GALNTL6: variants seen among roughly 807,000 people sequenced by gnomAD.
The protein encoded by GALNTL6 is polypeptide N-acetylgalactosaminyltransferase-like 6.
A neutral mutation model predicts 73.7 loss-of-function variants in GALNTL6; 46 were observed. The ratio of observed to expected loss-of-function variants is 0.62; its 90% confidence interval spans 0.49 to 0.80. The LOEUF (loss-of-function observed/expected upper bound fraction) is 0.80. GALNTL6 is among the 30% of genes least tolerant of loss of function. The pLI, the probability that GALNTL6 is intolerant of heterozygous loss-of-function variation, is 0.00. For synonymous variants in GALNTL6, 259 were observed against 263.7 expected, an observed-to-expected ratio of 0.98 and a Z score of 0.17; for missense variants, 604 against 755.0, an observed-to-expected ratio of 0.80 and a Z score of 2.34.
At chr4:171,967,449 T>TTTTTTTTG (rs747345394) in intron 2 of GALNTL6, among the ~76,000 whole-genome samples, 1 of 120,356 alleles carries the variant, frequency 8.3e-6, no homozygotes, top group Non-Finnish European at 1.6e-5. Context: ...CCCTATGGGT[T>TTTTTTTTG]TTTTTTTTTT....
At chr4:172,715,725 A>G (rs1735036287) in intron 5 of GALNTL6, among the ~76,000 whole-genome samples, 1 of 152,212 alleles carries the variant, frequency 6.6e-6, no homozygotes, top group Non-Finnish European at 1.5e-5. Flanking sequence ...TACTTTTTAC[A>G]ATGAAAAAGA....
chr4:172,667,596 A>T (rs1040919848), intron 5 of GALNTL6: 1 of 152,178 alleles, frequency 6.6e-6, no homozygotes, highest in African/African-American at 2.4e-5. Context: ...GGTTGTTCTC[A>T]GGTTTTAGAG....
At chr4:172,052,284 A>G (rs974180188) in intron 2 of GALNTL6, among the ~76,000 whole-genome samples, 2 of 152,082 alleles carry the variant, frequency 1.3e-5, no homozygotes, top group Non-Finnish European at 2.9e-5. Context: ...GAGAGGATAC[A>G]GGACATGTAC....
chr4:172,339,758 GA>G (rs1264697131), intron 4 of GALNTL6, among the ~76,000 whole-genome samples: 1 of 152,182 alleles, frequency 6.6e-6, no homozygotes, highest in African/African-American at 2.4e-5. Context: ...AGTCACAAAG[GA>G]AAACTCTCTG....
At chr4:171,994,824 A>C (rs1052837440) in intron 2 of GALNTL6, among the ~76,000 whole-genome samples, 1 of 152,082 alleles carries the variant, frequency 6.6e-6, no homozygotes, top group Non-Finnish European at 1.5e-5. Flanking sequence ...TGGAAGCAAA[A>C]AAACTAGAAT....
intron 3 of GALNTL6, among the ~76,000 whole-genome samples, chr4:172,233,410 A>T (rs529015602): frequency 2.0e-5 from 3 of 152,090 alleles, no homozygotes; most frequent in East Asian, 3.9e-4. Context: ...TACATTTTAC[A>T]TTTGGGTCTT....
At chr4:172,035,466 TTATAA>T (rs138783277) in intron 2 of GALNTL6, among the ~76,000 whole-genome samples, 55,261 of 151,566 alleles carry the variant, frequency 0.36, 10,178 homozygotes, top group Middle Eastern at 0.48. Flanking sequence ...CTATTGATTG[TTATAA>T]TATAACTAAG....
chr4:172,229,632 C>A, intron 2 of GALNTL6, 24 bp from the exon 3 acceptor site: 1 of 1,485,842 alleles, frequency 6.7e-7, no homozygotes, highest in Non-Finnish European at 9.4e-7. Flanking sequence ...CCTTTTTATG[C>A]TTGAATACTT....
At chr4:172,461,444 T>G (rs1408948250) in intron 5 of GALNTL6, among the ~76,000 whole-genome samples, 1 of 152,146 alleles carries the variant, frequency 6.6e-6, no homozygotes, top group Non-Finnish European at 1.5e-5. Flanking sequence ...CTCAGGCAGG[T>G]GAAATGTCTG....
chr4:172,382,860 G>A (rs917323827), intron 5 of GALNTL6, among the ~76,000 whole-genome samples: 1 of 151,706 alleles, frequency 6.6e-6, no homozygotes, highest in Non-Finnish European at 1.5e-5. Flanking sequence ...GGGTTGAAAA[G>A]GCAATTGTGA....
In GALNTL6 at chr4:171,904,699, C is replaced by T. The variant is rs879318938; in HGVS notation, c.138+89981C>T. Among the ~76,000 whole-genome samples, 203 of 152,220 alleles carry T rather than the reference C, an allele frequency of 1.3e-3. 1 individual carries two copies. Among genetic ancestry groups the T allele is most frequent in the Admixed American group, 2.7e-3 (42 of 15,302 alleles). ...CTCCAAGACACATAATTATCAGATT[C>T]ACCAAAGTTGAAATGAAGGAAAAAA... On this transcript the variant is annotated intron_variant, in intron 2 of 12. Coordinates refer to ENST00000506823, the MANE Select transcript of GALNTL6 (RefSeq NM_001034845.3).
At chr4:172,190,960 T>C (rs1019411605) in intron 2 of GALNTL6, among the ~76,000 whole-genome samples, 6 of 152,212 alleles carry the variant, frequency 3.9e-5, no homozygotes, top group Non-Finnish European at 8.8e-5. Context: ...CGTGATTTTT[T>C]CCTAGGTCTG....
intron 7 of GALNTL6, among the ~76,000 whole-genome samples, chr4:172,871,759 TTTTG>T (rs113501777): frequency 1.7e-4 from 25 of 150,556 alleles, no homozygotes; most frequent in East Asian, 3.9e-4. Context: ...TAGCATAGTT[TTTTG>T]TTTGTTTGTT....
intron 4 of GALNTL6, among the ~76,000 whole-genome samples, chr4:172,312,896 T>C (rs1346120793): frequency 1.3e-5 from 2 of 152,142 alleles, no homozygotes; most frequent in Non-Finnish European, 2.9e-5. Context: ...GAACAATCTT[T>C]TTTTCCTAAA....
intron 2 of GALNTL6, among the ~76,000 whole-genome samples, chr4:172,177,541 A>G (rs1735037100): frequency 6.6e-6 from 1 of 151,912 alleles, no homozygotes; most frequent in East Asian, 1.9e-4. Flanking sequence ...GAATGAGAAT[A>G]TTTACTTGTC....
At chr4:172,633,456 A>G (rs10014841) in intron 5 of GALNTL6, among the ~76,000 whole-genome samples, 54,211 of 151,998 alleles carry the variant, frequency 0.36, 10,580 homozygotes, top group African/African-American at 0.49. Flanking sequence ...ATTTTGGCCA[A>G]TTTCTCCCAT....
At chr4:172,227,077 A>G (rs1736892775) in intron 2 of GALNTL6, among the ~76,000 whole-genome samples, 2 of 152,126 alleles carry the variant, frequency 1.3e-5, no homozygotes, top group Non-Finnish European at 2.9e-5. Flanking sequence ...CTGCCTATTC[A>G]TACTCATGAG....
chr4:172,997,439 C>T (rs1376798599), intron 10 of GALNTL6, among the ~76,000 whole-genome samples: 1 of 152,026 alleles, frequency 6.6e-6, no homozygotes, highest in Non-Finnish European at 1.5e-5. Flanking sequence ...AAATGATGCC[C>T]GTGAAAGCAT....
chr4:172,562,880 T>A (rs1387739805), intron 5 of GALNTL6, among the ~76,000 whole-genome samples: 1 of 152,182 alleles, frequency 6.6e-6, no homozygotes, highest in Non-Finnish European at 1.5e-5. Context: ...CTGGGGAAAG[T>A]GTACACATGG....
Sources: allele counts gnomAD v4.1 joint callset (sites outside exome capture counted in the v4.1 genomes callset), GRCh38; gene constraint gnomAD v4.1.1; transcripts MANE v1.5; gene names NCBI Gene and HGNC (gene_info 2026-07-23, HGNC 2026-07-21).